The following NOP14 variants were observed in gnomAD, a reference collection of about 807,000 sequenced individuals.
NOP14 encodes NOP14 nucleolar protein, also known as nucleolar protein 14.
NOP14 carries 57 observed loss-of-function variants against 101.6 expected under a neutral mutation model. That is an observed-to-expected ratio of 0.56 (90% CI 0.45 to 0.70). The LOEUF (loss-of-function observed/expected upper bound fraction) is 0.70, where lower values mean the gene tolerates loss of function less well. Ranked by LOEUF, NOP14 falls within the 30% of genes least tolerant of loss-of-function variation. NOP14 has a pLI of 0.00. For missense variants in NOP14, 1,134 were observed against 1,075.5 expected, an observed-to-expected ratio of 1.05 and a Z score of -0.76; for synonymous variants, 428 against 424.0, an observed-to-expected ratio of 1.01 and a Z score of -0.12.
In NOP14 at chr4:2,946,399, G is replaced by T. The variant is rs1428799575; in HGVS notation, c.1635+13C>A. The T allele has an allele frequency of 3.1e-6, 5 of 1,613,922 alleles. No individual in the cohort carries two copies. The Admixed American group carries it at 6.7e-5, about 22-fold the overall frequency. On this transcript the variant is annotated intron_variant, in intron 11 of 17. Coordinates refer to ENST00000416614, the MANE Select transcript of NOP14 (RefSeq NM_001291978.2). ...CTGTGGCAGGGGCAGTGCCTAGACT[G>T]AACTCTGCTTACCACATCCAACCCT...
rs991846851 is a variant in NOP14 at position 2,944,325 on chromosome 4, C to T, written c.1738-99G>A. On this transcript the variant is annotated intron_variant, in intron 12 of 17. Coordinates refer to ENST00000416614, the MANE Select transcript of NOP14 (RefSeq NM_001291978.2). ...CTGATGAACCACGCACCCCACTGAG[C>T]TTCACAAGTACAGAGGGAACCCCCG... is the stretch of plus-strand genomic sequence containing the variant. 1.0e-5 allele frequency: 11 copies of T among 1,079,450 alleles called. No individual in the cohort carries two copies. The African/African-American group carries it at 1.7e-4, about 17-fold the overall frequency. The allele number at this position is 1,079,450 out of a possible 1,614,324, so 66.9% of individuals were successfully genotyped here.
rs183888861 is a variant in NOP14, at chr4:2,955,619, G to A, written c.472+1051C>T. ...CAGCGCCTCCTGGCAATGAGGGGAA[G>A]GCCACTCGCCCAACTCACACCAAGG... On this transcript the variant is annotated intron_variant, in intron 3 of 17. Transcript: ENST00000416614. 7.4e-4 allele frequency among the ~76,000 whole-genome samples: 112 copies of A among 152,368 alleles called. 1 individual carries two copies. The highest frequency in any genetic ancestry group is 1.9e-4 in the Non-Finnish European group (13 of 68,040).
rs1715218024 is a variant in NOP14, at chr4:2,954,521, A to C, written c.515T>G (p.Leu172Arg). The C allele has an allele frequency of 6.2e-7, 1 of 1,614,130 alleles. No individual in the cohort carries two copies. Among genetic ancestry groups the C allele is most frequent in the African/African-American group, 1.3e-5 (1 of 75,024 alleles). ...AAHFGGGGGL[L>R]HKKTQQEGEE... ...GCCTTCCTGTTGAGTCTTCTTGTGA[A>C]GGAGCCCACCGCCTCCTCCAAAGTG... Residue 172 changes from leucine (L) to arginine (R), a missense_variant, in exon 4 of 18, where the codon CTT (leucine) becomes CGT (arginine). Leu to Arg is a moderately radical substitution (Grantham distance 102, BLOSUM62 -2). Transcript: ENST00000416614.
chr4:2,939,158 A>T (rs749175760), intron 17 of NOP14, 30 bp downstream of exon 17: 1 of 1,612,968 alleles, frequency 6.2e-7, no homozygotes, highest in Non-Finnish European at 8.5e-7. Flanking sequence ...GTGACACCAC[A>T]ATCGTGTCGC....
intron 3 of NOP14, 112 bp from the exon 4 acceptor site, chr4:2,954,675 T>C: frequency 7.4e-7 from 1 of 1,348,012 alleles, no homozygotes. Flanking sequence ...AAGTCCACAT[T>C]TGAGAAAAAA....
intron 13 of NOP14, among the ~76,000 whole-genome samples, chr4:2,943,401 G>A (rs1190047209): frequency 6.6e-6 from 1 of 152,256 alleles, no homozygotes; most frequent in African/African-American, 2.4e-5. Context: ...ACATGGAAGA[G>A]CTCAGGAAGA....
chr4:2,960,704 T>G (rs1204721567), intron 1 of NOP14, among the ~76,000 whole-genome samples: 1 of 132,890 alleles, frequency 7.5e-6, no homozygotes, highest in Non-Finnish European at 1.6e-5. Flanking sequence ...CACATTAATA[T>G]TAATATATTA....
In NOP14 at chr4:2,942,325, C is replaced by T. The variant is rs1560295558; in HGVS notation, c.1918G>A (p.Ala640Thr). 6.2e-7 allele frequency: 1 copy of T among 1,614,112 alleles called. No individual in the cohort carries two copies. Among genetic ancestry groups the T allele is most frequent in the Non-Finnish European group, 8.5e-7 (1 of 1,179,984 alleles). The change falls in exon 14 of 18, where the codon GCG (alanine) becomes ACG (threonine). Residue 640 changes from alanine (A) to threonine (T), a missense_variant. By Grantham distance (58) the Ala-to-Thr change is moderately conservative. Coordinates refer to ENST00000416614, the MANE Select transcript of NOP14 (RefSeq NM_001291978.2). The stretch of plus-strand genomic sequence containing the variant: ...AGCAGTTCCGAGTTCTTCCCAAGCG[C>T]TCTGAAAGGGTGCACCAGAGTGGAA... ...QGSTLVHPFR[A>T]LGKNSELLVV...
intron 1 of NOP14, among the ~76,000 whole-genome samples, chr4:2,962,855 G>A (rs1716183352): frequency 6.6e-6 from 1 of 152,132 alleles, no homozygotes; most frequent in Non-Finnish European, 1.5e-5. Context: ...CTTGGTCCAG[G>A]GCGCCGCCCG....
rs562588384 is a variant in NOP14, at chr4:2,954,650, C to A, written c.473-87G>T. On this transcript the variant is annotated intron_variant, in intron 3 of 17. Coordinates refer to ENST00000416614, the MANE Select transcript of NOP14 (RefSeq NM_001291978.2). The stretch of plus-strand genomic sequence containing the variant: ...TGTAGCACTCTGCCAGTGCTTCCCC[C>A]ATAGTGGTCTGGAAAAGTCCACATT... The A allele has an allele frequency of 1.0e-5, 15 of 1,486,082 alleles. No individual in the cohort carries two copies. In the East Asian group the frequency reaches 3.3e-4, roughly 32 times the overall value. The allele number at this position is 1,486,082 out of a possible 1,614,324, so 92.1% of individuals were successfully genotyped here. A position where few individuals can be genotyped will look rare whatever the true frequency, so the allele number is the denominator to read the frequency against.
Position 2,938,148 on chromosome 4 carries a change from G to T in NOP14, c.*683C>A. On this transcript the variant is annotated 3_prime_UTR_variant, in exon 18 of 18. Coordinates refer to ENST00000416614, the MANE Select transcript of NOP14 (RefSeq NM_001291978.2). Reference sequence around the variant, plus strand: ...GATTCATTCTATTTCATCAGGTGACGTTTTAACAGAAACAAAACCGCAGGC... The same window carrying T: ...GATTCATTCTATTTCATCAGGTGACTTTTTAACAGAAACAAAACCGCAGGC... 7.9e-7 allele frequency: 1 copy of T among 1,260,972 alleles called. No homozygotes were observed. The highest frequency in any genetic ancestry group is 1.0e-6 in the Non-Finnish European group (1 of 966,818). The allele number at this position is 1,260,972 out of a possible 1,614,324, so 78.1% of individuals were successfully genotyped here. A position where few individuals can be genotyped will look rare whatever the true frequency, so the allele number is the denominator to read the frequency against.
Position 2,938,896 on chromosome 4 carries a change from A to G in NOP14, c.2509T>C (p.Phe837Leu). The part of the protein sequence containing the change: ...AERKRKVKQL[F>L]NSLATQEGEW... Reference sequence around the variant, plus strand: ...CCTTCCTGTGTAGCCAGGCTGTTAAAAAGCTGCTTTACTTTCCGCTTTCTT... The same window carrying G: ...CCTTCCTGTGTAGCCAGGCTGTTAAGAAGCTGCTTTACTTTCCGCTTTCTT... Residue 837 changes from phenylalanine (F) to leucine (L), a missense_variant, in exon 18 of 18, where the codon TTT becomes CTT. Transcript: ENST00000416614. 6.2e-7 allele frequency: 1 copy of G among 1,614,196 alleles called. No individual in the cohort carries two copies. The highest frequency in any genetic ancestry group is 8.5e-7 in the Non-Finnish European group (1 of 1,180,026).
At chr4:2,962,966 G>T (rs931142759) in intron 1 of NOP14, among the ~76,000 whole-genome samples, 159 bp downstream of exon 1, 4 of 152,212 alleles carry the variant, frequency 2.6e-5, no homozygotes, top group Non-Finnish European at 4.4e-5. Flanking sequence ...CCAGCTCAGA[G>T]AACAGCAGAG....
At chr4:2,947,435 G>A in intron 10 of NOP14, 91 bp downstream of exon 10, 1 of 913,448 alleles carries the variant, frequency 1.1e-6, no homozygotes, top group Non-Finnish European at 1.7e-6. Flanking sequence ...ACCTACCTTA[G>A]TAACTCTGGA....
At chr4:2,942,761 G>A (rs575057782) in intron 13 of NOP14, among the ~76,000 whole-genome samples, 1 of 152,350 alleles carries the variant, frequency 6.6e-6, no homozygotes, top group African/African-American at 2.4e-5. Context: ...GGAGGGGCAG[G>A]AGGGAGACAG....
At chr4:2,958,808 ACTTCCCCAGGGTCG>A (rs1715514803) in intron 1 of NOP14, among the ~76,000 whole-genome samples, 1 of 152,228 alleles carries the variant, frequency 6.6e-6, no homozygotes, top group Non-Finnish European at 1.5e-5. Flanking sequence ...GACATAGGTC[ACTTCCCCAGGGTCG>A]GAGATGAACT....
chr4:2,944,585 T>G (rs1177701454), intron 12 of NOP14, among the ~76,000 whole-genome samples: 2 of 152,166 alleles, frequency 1.3e-5, no homozygotes, highest in Non-Finnish European at 2.9e-5. Flanking sequence ...TTTTGTATTT[T>G]TAGTAGAGAC....
intron 14 of NOP14, 61 bp from the exon 15 acceptor site, chr4:2,941,790 T>C (rs1215605894): frequency 1.9e-6 from 3 of 1,548,870 alleles, no homozygotes; most frequent in Non-Finnish European, 2.6e-6. Flanking sequence ...ACAAAACCAA[T>C]AACGTGGCAA....
intron 1 of NOP14, among the ~76,000 whole-genome samples, chr4:2,958,010 G>C (rs1243158977): frequency 2.6e-5 from 4 of 152,168 alleles, no homozygotes; most frequent in African/African-American, 7.2e-5. Context: ...GAACACACTA[G>C]TCAAGCTCAA....
Sources: gnomAD v4.1 joint callset for allele counts (sites outside exome capture counted in the v4.1 genomes callset) on GRCh38, gnomAD v4.1.1 for gene constraint, MANE v1.5 for transcripts, NCBI Gene and HGNC (gene_info 2026-07-23, HGNC 2026-07-21) for gene names.